Variants in RDX observed in about 807,000 individuals in gnomAD.
RDX encodes deafness, autosomal recessive 24.
A neutral mutation model predicts 83.7 loss-of-function variants in RDX; 32 were observed. That is an observed-to-expected ratio of 0.38 (90% confidence interval 0.29 to 0.51). The LOEUF (loss-of-function observed/expected upper bound fraction) is 0.51. RDX is among the 20% of genes least tolerant of loss of function. The pLI is 0.87. For synonymous variants in RDX, 229 were observed against 222.7 expected (o/e 1.03, Z -0.25); for missense variants, 600 against 689.9 (o/e 0.87, Z 1.46).
At chr11:110,265,109 G>GTTTTTTTTTTTTTTTTTTT (rs71053876) in intron 3 of RDX, among the ~76,000 whole-genome samples, 24 of 90,690 alleles carry the variant, frequency 2.6e-4, no homozygotes, top group East Asian at 8.4e-4. Flanking sequence ...TTTTTTTTTT[G>GTTTTTTTTTTTTTTTTTTT]TTTTTTTTTT....
intron 1 of RDX, chr11:110,287,262 C>A (rs1445575931): frequency 6.6e-6 from 1 of 152,132 alleles, no homozygotes; most frequent in Non-Finnish European, 1.5e-5. Flanking sequence ...GTAGTCCCAG[C>A]TATTCTAAAG....
At chr11:110,188,045 G>C (rs1002292891) in intron 15 of RDX, among the ~76,000 whole-genome samples, 1 of 152,194 alleles carries the variant, frequency 6.6e-6, no homozygotes, top group African/African-American at 2.4e-5. Context: ...TGTAATCCCA[G>C]AACTTTGGGA....
chr11:110,247,113 G>A (rs1859144032), intron 10 of RDX, among the ~76,000 whole-genome samples: 1 of 152,022 alleles, frequency 6.6e-6, no homozygotes, highest in African/African-American at 2.4e-5. Flanking sequence ...TATAAATCTA[G>A]TATATCCTTT....
At chr11:110,265,878 TA>T (rs548519122) in intron 3 of RDX, among the ~76,000 whole-genome samples, 128 of 152,288 alleles carry the variant, frequency 8.4e-4, no homozygotes, top group African/African-American at 3.0e-3. Flanking sequence ...ATCCTGCTAT[TA>T]GAAAATTTAC....
At chr11:110,281,988 C>CATGGTGATGG (rs1860785195) in intron 1 of RDX, among the ~76,000 whole-genome samples, 1 of 147,238 alleles carries the variant, frequency 6.8e-6, no homozygotes. Flanking sequence ...ACGAGCCAGG[C>CATGGTGATGG]ATGGTGATGG....
At chr11:110,208,844 T>TA (rs1394309540) in intron 14 of RDX, among the ~76,000 whole-genome samples, 2 of 152,058 alleles carry the variant, frequency 1.3e-5, no homozygotes, top group Non-Finnish European at 2.9e-5. Flanking sequence ...TAATCACAGC[T>TA]ACTCCGGAGG....
intron 1 of RDX, chr11:110,287,338 T>C (rs1861024866): frequency 2.0e-5 from 3 of 151,096 alleles, no homozygotes; most frequent in African/African-American, 5.0e-5. Context: ...TGAGATCCCA[T>C]CTCTATAAAA....
intron 9 of RDX, 29 bp downstream of exon 9, chr11:110,253,917 T>C: frequency 6.2e-7 from 1 of 1,610,096 alleles, no homozygotes; most frequent in South Asian, 1.1e-5. Context: ...CTCCTATCAA[T>C]TAAAAGTGAA....
intron 3 of RDX, among the ~76,000 whole-genome samples, chr11:110,268,772 T>C (rs78332471): frequency 7.3e-6 from 1 of 137,132 alleles, no homozygotes; most frequent in Non-Finnish European, 1.5e-5. Context: ...TCCTAGAATG[T>C]TTTTTTTTTA....
At position 110,230,338 on chromosome 11, in the gene RDX, C is replaced by G. The variant is rs1398813413; in HGVS notation, c.*1531G>C. 4 of 152,110 alleles carry G rather than the reference C, an allele frequency of 2.6e-5. No homozygotes were observed. The highest frequency in any genetic ancestry group is 2.1e-4 in the South Asian group (1 of 4,800). 9.4% of individuals were successfully genotyped at this position (152,110 alleles called of 1,614,324 possible). A position where few individuals can be genotyped will look rare whatever the true frequency, so the allele number is the denominator to read the frequency against. ...TATTAGAACATGTGAATATTAGAAC[C>G]TCCTTCTAACTGGAAAGATTTCTTC... On this transcript the variant is annotated 3_prime_UTR_variant, in exon 14 of 14. Coordinates refer to ENST00000645495, the MANE Select transcript of RDX (RefSeq NM_002906.4).
chr11:110,177,309 C>A (rs984473177), intron 15 of RDX, among the ~76,000 whole-genome samples: 2 of 152,300 alleles, frequency 1.3e-5, no homozygotes, highest in South Asian at 2.1e-4. Flanking sequence ...TCTGGTGCCC[C>A]CATTGCTGCA....
intron 13 of RDX, among the ~76,000 whole-genome samples, chr11:110,232,270 T>G (rs967156087): frequency 6.6e-6 from 1 of 152,158 alleles, no homozygotes; most frequent in Admixed American, 6.5e-5. Flanking sequence ...TTCCTTAACT[T>G]TCTAATCTAA....
intron 15 of RDX, among the ~76,000 whole-genome samples, chr11:110,180,654 C>CTTTTT (rs11295043): frequency 7.0e-6 from 1 of 141,960 alleles, no homozygotes; most frequent in Non-Finnish European, 1.5e-5. Context: ...TATCTCAGAA[C>CTTTTT]TTTTTTTTTT....
At chr11:110,188,716 A>C (rs1207732184) in intron 15 of RDX, among the ~76,000 whole-genome samples, 5 of 151,606 alleles carry the variant, frequency 3.3e-5, no homozygotes, top group Admixed American at 3.3e-4. Context: ...ATTCTCAAAG[A>C]AATTCCAACA....
In RDX at chr11:110,279,686, T is replaced by C. The variant is rs1180055130; in HGVS notation, c.7A>G (p.Lys3Glu). Residue 3 changes from lysine (K) to glutamate (E), a missense_variant, in exon 2 of 14, where the codon AAA (lysine) becomes GAA (glutamate). Transcript: ENST00000645495. Reference sequence around the variant, plus strand: ...ATGTAATAAAATACACTTACTGGTTTCGGCATTTTCTTTCTCTTTTTGTTA... The same window carrying C: ...ATGTAATAAAATACACTTACTGGTTCCGGCATTTTCTTTCTCTTTTTGTTA... The part of the protein sequence containing the change: MP[K>E]PINVRVTTMD... The C allele has an allele frequency of 6.5e-7, 1 of 1,529,418 alleles. No homozygotes were observed. The highest frequency in any genetic ancestry group is 1.1e-5 in the South Asian group (1 of 88,790). 94.7% of individuals were successfully genotyped at this position (1,529,418 alleles called of 1,614,324 possible). A position where few individuals can be genotyped will look rare whatever the true frequency, so the allele number is the denominator to read the frequency against.
intron 14 of RDX, among the ~76,000 whole-genome samples, chr11:110,213,301 C>G (rs1863908671): frequency 8.5e-6 from 1 of 117,446 alleles, no homozygotes; most frequent in Non-Finnish European, 1.7e-5. Flanking sequence ...AGGACCTCTT[C>G]AAGGAGAACT....
intron 15 of RDX, chr11:110,179,903 C>CTTTTT (rs528601645): frequency 2.4e-4 from 87 of 364,510 alleles, no homozygotes; most frequent in East Asian, 4.8e-4. Flanking sequence ...TTTCTTTTTT[C>CTTTTT]TTTTTTTTTT....
At chr11:110,222,449 C>G (rs751608582) in intron 14 of RDX, among the ~76,000 whole-genome samples, 12 of 152,046 alleles carry the variant, frequency 7.9e-5, no homozygotes, top group Non-Finnish European at 1.5e-4. Flanking sequence ...TTGTCTGGTA[C>G]GAACATTTTA....
At chr11:110,274,652 T>A (rs77225302) in intron 2 of RDX, among the ~76,000 whole-genome samples, 38 of 59,264 alleles carry the variant, frequency 6.4e-4, no homozygotes, top group Non-Finnish European at 2.0e-4. Flanking sequence ...ACACTTCTCA[T>A]ATATTCTGTT....
Sources: gnomAD v4.1 joint callset for allele counts (sites outside exome capture counted in the v4.1 genomes callset) on GRCh38, gnomAD v4.1.1 for gene constraint, MANE v1.5 for transcripts, NCBI Gene and HGNC (gene_info 2026-07-23, HGNC 2026-07-21) for gene names.